DLG2: variants seen among roughly 807,000 people sequenced by gnomAD.
DLG2 encodes disks large homolog 2.
In DLG2, 45 loss-of-function variants were observed where a neutral mutation model predicts 132.5. That is an observed-to-expected ratio of 0.34 (90% CI 0.27 to 0.44). DLG2 has a LOEUF of 0.44. DLG2 is among the 20% of genes least tolerant of loss of function. The probability of loss-of-function intolerance (pLI) is 1.00; values close to 1 mark genes in which losing one functional copy is unlikely to be tolerated. For missense variants in DLG2, 1,045 were observed against 1,196.9 expected (o/e 0.87, Z 1.87); for synonymous variants, 424 against 419.6 (o/e 1.01, Z -0.13).
chr11:85,145,113 T>A (rs989829432), intron 5 of DLG2, among the ~76,000 whole-genome samples: 1 of 149,506 alleles, frequency 6.7e-6, no homozygotes, highest in South Asian at 2.1e-4. Flanking sequence ...AAAAGTTGTT[T>A]CATTTTTTTT....
intron 3 of DLG2, among the ~76,000 whole-genome samples, chr11:85,291,833 C>T (rs914438512): frequency 3.9e-5 from 6 of 152,076 alleles, no homozygotes; most frequent in Non-Finnish European, 7.4e-5. Flanking sequence ...GATCCACCCG[C>T]CTCAGCCTCC....
chr11:84,493,811 A>G (rs945527703), intron 7 of DLG2, among the ~76,000 whole-genome samples: 1 of 152,160 alleles, frequency 6.6e-6, no homozygotes, highest in African/African-American at 2.4e-5. Flanking sequence ...AGGCACTCAA[A>G]AAAAGGATGT....
At chr11:83,565,909 T>A (rs184639519) in intron 19 of DLG2, among the ~76,000 whole-genome samples, 1 of 152,206 alleles carries the variant, frequency 6.6e-6, no homozygotes, top group African/African-American at 2.4e-5. Context: ...CAGAAGAGTG[T>A]ACCTGTTTTC....
chr11:84,234,059 G>T (rs931684444), intron 8 of DLG2, among the ~76,000 whole-genome samples: 1 of 152,192 alleles, frequency 6.6e-6, no homozygotes, highest in African/African-American at 2.4e-5. Context: ...GGGACATTGG[G>T]CTGGTAAGGG....
At chr11:84,495,146 T>TC (rs1353874766) in intron 7 of DLG2, among the ~76,000 whole-genome samples, 3 of 152,104 alleles carry the variant, frequency 2.0e-5, no homozygotes, top group African/African-American at 7.2e-5. Flanking sequence ...ATATAATCTG[T>TC]CCCTAAAACC....
chr11:83,890,236 C>A (rs1264512166), intron 15 of DLG2, among the ~76,000 whole-genome samples: 1 of 151,904 alleles, frequency 6.6e-6, no homozygotes, highest in South Asian at 2.1e-4. Flanking sequence ...ATTCAAATTG[C>A]CCTGGATATC....
At chr11:85,162,742 CCTT>C (rs1357750628) in intron 4 of DLG2, among the ~76,000 whole-genome samples, 1 of 152,018 alleles carries the variant, frequency 6.6e-6, no homozygotes, top group Non-Finnish European at 1.5e-5. Context: ...GTAATTATGG[CCTT>C]ATTATTGTCT....
At chr11:84,743,544 A>C (rs895467314) in intron 6 of DLG2, among the ~76,000 whole-genome samples, 36 of 152,218 alleles carry the variant, frequency 2.4e-4, no homozygotes, top group African/African-American at 8.7e-4. Flanking sequence ...TGTCTCTCTA[A>C]AGAATTTACA....
chr11:84,176,232 T>A (rs1349149620), intron 8 of DLG2, among the ~76,000 whole-genome samples: 1 of 151,606 alleles, frequency 6.6e-6, no homozygotes, highest in Non-Finnish European at 1.5e-5. Flanking sequence ...AGAAATTAAA[T>A]AAGCCAATAG....
chr11:84,502,342 CTTTCTTTCTTTCTTTCTTTCTTTCT>C (rs2099218912), intron 7 of DLG2, among the ~76,000 whole-genome samples: 2 of 37,788 alleles, frequency 5.3e-5, no homozygotes, highest in South Asian at 8.4e-4. Context: ...TTCTTTCTTT[CTTTCTTTCTTTCTTTCTTTCTTTCT>C]TTCTTTCTTT....
chr11:85,061,477 C>G (rs2064128677), intron 6 of DLG2, among the ~76,000 whole-genome samples: 1 of 151,786 alleles, frequency 6.6e-6, no homozygotes, highest in Non-Finnish European at 1.5e-5. Context: ...TGTGCTGCTT[C>G]TGAAGGCATA....
chr11:84,146,439 AAAC>A (rs1168182508), intron 9 of DLG2, among the ~76,000 whole-genome samples: 34 of 152,192 alleles, frequency 2.2e-4, no homozygotes, highest in African/African-American at 8.2e-4. Flanking sequence ...GCCTGTATCA[AAAC>A]ATCTCATGTA....
intron 21 of DLG2, among the ~76,000 whole-genome samples, chr11:83,498,934 G>A (rs943162940): frequency 1.3e-5 from 2 of 152,002 alleles, no homozygotes; most frequent in East Asian, 3.8e-4. Flanking sequence ...ACAATTATAT[G>A]CCAGTAAATT....
intron 25 of DLG2, among the ~76,000 whole-genome samples, chr11:83,467,992 G>C (rs2091447641): frequency 6.6e-6 from 1 of 151,664 alleles, no homozygotes; most frequent in South Asian, 2.1e-4. Flanking sequence ...ACCACAATGA[G>C]TGCTCAGAGC....
chr11:83,488,405 G>A (rs776221779), intron 21 of DLG2, among the ~76,000 whole-genome samples: 15 of 152,004 alleles, frequency 9.9e-5, no homozygotes, highest in Non-Finnish European at 1.5e-4. Flanking sequence ...GCCTGACTCT[G>A]AGATGTAATG....
intron 7 of DLG2, among the ~76,000 whole-genome samples, chr11:84,502,322 CTT>C (rs1421752029): frequency 6.6e-4 from 8 of 12,202 alleles, no homozygotes; most frequent in Admixed American, 1.8e-3. Context: ...TTCTTTCTTT[CTT>C]TCTTTCTTTC....
At chr11:85,470,846 A>G (rs1311308580) in intron 3 of DLG2, among the ~76,000 whole-genome samples, 3 of 152,242 alleles carry the variant, frequency 2.0e-5, no homozygotes, top group African/African-American at 7.2e-5. Flanking sequence ...CAGAATAGAC[A>G]GTGAGAGGAC....
intron 16 of DLG2, among the ~76,000 whole-genome samples, chr11:83,844,608 A>G (rs1281630073): frequency 6.6e-6 from 1 of 151,556 alleles, no homozygotes; most frequent in African/African-American, 2.4e-5. Context: ...TTGAATGTCA[A>G]ATAAGTTACA....
At chr11:84,195,635 C>A (rs1036297732) in intron 8 of DLG2, among the ~76,000 whole-genome samples, 13 of 152,132 alleles carry the variant, frequency 8.5e-5, no homozygotes, top group African/African-American at 2.4e-4. Context: ...ACCTCAGTGC[C>A]CTCATCTAGA....
Sources: allele counts gnomAD v4.1 joint callset (sites outside exome capture counted in the v4.1 genomes callset), GRCh38; gene constraint gnomAD v4.1.1; transcripts MANE v1.5; gene names NCBI Gene and HGNC (gene_info 2026-07-23, HGNC 2026-07-21).